CD300LD: variants seen among roughly 807,000 people sequenced by gnomAD.
CD300LD encodes the protein CD300 molecule like family member d.
CD300LD carries 18 observed loss-of-function variants against 20.3 expected under a neutral mutation model. That is an observed-to-expected ratio of 0.89 (90% CI 0.61 to 1.32). CD300LD has a LOEUF of 1.32. CD300LD is among the 40% of genes most tolerant of loss of function. The pLI is 0.00. For synonymous variants in CD300LD, 104 were observed against 90.1 expected (o/e 1.15, Z -0.87); for missense variants, 195 against 226.6 (o/e 0.86, Z 0.90).
chr17:74,587,018 G>A (rs2030179151), intron 2 of CD300LD, among the ~76,000 whole-genome samples: 1 of 152,084 alleles, frequency 6.6e-6, no homozygotes, highest in South Asian at 2.1e-4. Context: ...GCATGGTGGT[G>A]CATGCCTGTA....
chr17:74,584,284 A>C (rs1194342214), intron 2 of CD300LD, among the ~76,000 whole-genome samples: 2 of 152,214 alleles, frequency 1.3e-5, no homozygotes, highest in Non-Finnish European at 2.9e-5. Context: ...CATCATGTGC[A>C]TTCCCACCTG....
Position 74,588,694 on chromosome 17 carries a change from T to C in CD300LD, c.196A>G (p.Lys66Glu), listed in dbSNP as rs751143167. The C allele has an allele frequency of 1.2e-6, 2 of 1,614,226 alleles. No individual in the cohort carries two copies. Among genetic ancestry groups the C allele is most frequent in the Non-Finnish European group, 1.7e-6 (2 of 1,180,046 alleles). ...ADWNYCNILVKTNGSEQEVKK... is the reference protein window; with the variant it reads ...ADWNYCNILVETNGSEQEVKK... ...ACCTCCTGCTCTGATCCATTTGTTTTAACAAGGATGTTACAGTAATTCCAA... is the reference window on the plus strand; with the variant it reads ...ACCTCCTGCTCTGATCCATTTGTTTCAACAAGGATGTTACAGTAATTCCAA... Residue 66 changes from lysine to glutamate, a missense_variant, in exon 2 of 4, where the codon AAA becomes GAA. Lys to Glu is a moderately conservative substitution (Grantham distance 56). Transcript: ENST00000375352.
At chr17:74,589,649 C>T (rs1204920653) in intron 1 of CD300LD, among the ~76,000 whole-genome samples, 4 of 152,216 alleles carry the variant, frequency 2.6e-5, no homozygotes, top group Non-Finnish European at 4.4e-5. Flanking sequence ...TAATCTTTCA[C>T]TTGAAAACAA....
chr17:74,586,152 T>A (rs977450533), intron 2 of CD300LD, among the ~76,000 whole-genome samples: 1 of 152,190 alleles, frequency 6.6e-6, no homozygotes, highest in Non-Finnish European at 1.5e-5. Flanking sequence ...AAATGCAGAT[T>A]GTAAATGTGC....
At chr17:74,587,279 A>G (rs192971316) in intron 2 of CD300LD, among the ~76,000 whole-genome samples, 27 of 152,330 alleles carry the variant, frequency 1.8e-4, no homozygotes, top group Admixed American at 1.7e-3. Flanking sequence ...TATTCCAGTT[A>G]TCTATTTCTT....
rs1189977087 is a variant in CD300LD, at chr17:74,588,690, G to C, written c.200C>G (p.Thr67Arg). The C allele has an allele frequency of 6.8e-6, 11 of 1,614,052 alleles. No homozygotes were observed. The highest frequency in any genetic ancestry group is 8.5e-6 in the Non-Finnish European group (10 of 1,180,044). ...CTTTACCTCCTGCTCTGATCCATTT[G>C]TTTTAACAAGGATGTTACAGTAATT... ...DWNYCNILVK[T>R]NGSEQEVKKN... Residue 67 changes from threonine (T) to arginine (R), a missense_variant, in exon 2 of 4, where the codon ACA (threonine) becomes AGA (arginine). By Grantham distance (71) the Thr-to-Arg change is moderately conservative. Coordinates refer to ENST00000375352, the MANE Select transcript of CD300LD (RefSeq NM_001115152.2).
chr17:74,578,854 T>C (rs2029972350), downstream of CD300LD, among the ~76,000 whole-genome samples: 1 of 152,170 alleles, frequency 6.6e-6, no homozygotes, highest in Admixed American at 6.5e-5. Flanking sequence ...AGTCCAAGAC[T>C]GAGCACCACC....
intron 2 of CD300LD, among the ~76,000 whole-genome samples, chr17:74,586,066 A>G (rs942007357): frequency 6.6e-6 from 1 of 152,326 alleles, no homozygotes; most frequent in African/African-American, 2.4e-5. Context: ...GCAAGATTAC[A>G]AGAGGCGGTG....
At chr17:74,583,858 T>C (rs1021021340) in intron 2 of CD300LD, among the ~76,000 whole-genome samples, 2 of 150,784 alleles carry the variant, frequency 1.3e-5, no homozygotes, top group African/African-American at 4.9e-5. Flanking sequence ...GTTCAAGCAA[T>C]TCTCTGCCTC....
intron 1 of CD300LD, 147 bp from the exon 2 acceptor site, chr17:74,588,996 A>C (rs535160969): frequency 1.7e-6 from 1 of 603,320 alleles, no homozygotes; most frequent in Admixed American, 3.0e-5. Context: ...TTGTCCTTCA[A>C]AATTCCACTG....
rs762229243 is a variant in CD300LD at position 74,588,676 on chromosome 17, G to T, written c.214C>A (p.Gln72Lys). 5.0e-6 allele frequency: 8 copies of T among 1,614,126 alleles called. No individual in the cohort carries two copies. The South Asian group carries it at 8.8e-5, about 18-fold the overall frequency. Residue 72 changes from glutamine to lysine, a missense_variant, in exon 2 of 4, where the codon CAG (glutamine) becomes AAG (lysine). Gln to Lys is a moderately conservative substitution (Grantham distance 53, BLOSUM62 1). Transcript: ENST00000375352. ...NILVKTNGSE[Q>K]EVKKNRVSIR... Reference sequence around the variant, plus strand: ...GAAACTCGATTCTTCTTTACCTCCTGCTCTGATCCATTTGTTTTAACAAGG... The same window carrying T: ...GAAACTCGATTCTTCTTTACCTCCTTCTCTGATCCATTTGTTTTAACAAGG...
At chr17:74,583,691 T>C (rs1266776468) in intron 2 of CD300LD, among the ~76,000 whole-genome samples, 1 of 152,036 alleles carries the variant, frequency 6.6e-6, no homozygotes, top group East Asian at 1.9e-4. Context: ...TTATCATTGG[T>C]ATATCAGTAG....
intron 2 of CD300LD, among the ~76,000 whole-genome samples, chr17:74,584,495 G>A (rs1292896982): frequency 6.6e-6 from 1 of 152,254 alleles, no homozygotes; most frequent in South Asian, 2.1e-4. Flanking sequence ...CTGCCCGAAG[G>A]GGTGCTGAGG....
chr17:74,586,791 A>G (rs576399623), intron 2 of CD300LD, among the ~76,000 whole-genome samples: 2 of 152,288 alleles, frequency 1.3e-5, no homozygotes, highest in South Asian at 2.1e-4. Context: ...ACAGAGCATT[A>G]CCTTAGTCCC....
At chr17:74,588,189 G>A (rs1271723922) in intron 2 of CD300LD, among the ~76,000 whole-genome samples, 1 of 152,098 alleles carries the variant, frequency 6.6e-6, no homozygotes, top group African/African-American at 2.4e-5. Flanking sequence ...AGGTCTGTCT[G>A]CCTTTTCTTA....
chr17:74,583,535 G>T (rs1163799950), intron 2 of CD300LD, among the ~76,000 whole-genome samples: 1 of 152,114 alleles, frequency 6.6e-6, no homozygotes, highest in African/African-American at 2.4e-5. Flanking sequence ...CCCAGTCTGT[G>T]GTATTTTGTT....
chr17:74,588,881 C>G (rs369529940), intron 1 of CD300LD, 32 bp from the exon 2 acceptor site: 113 of 1,536,108 alleles, frequency 7.4e-5, no homozygotes, highest in Non-Finnish European at 9.4e-5. Flanking sequence ...GTCGTCACCT[C>G]CCACCCCAAG....
intron 2 of CD300LD, among the ~76,000 whole-genome samples, chr17:74,583,114 AAC>A (rs1479535291): frequency 6.6e-6 from 1 of 152,152 alleles, no homozygotes; most frequent in Non-Finnish European, 1.5e-5. Context: ...CAGGACAGTC[AAC>A]ACATTCATAA....
At chr17:74,583,754 T>C (rs1451436025) in intron 2 of CD300LD, among the ~76,000 whole-genome samples, 1 of 144,454 alleles carries the variant, frequency 6.9e-6, no homozygotes. Flanking sequence ...TTTCACTTTT[T>C]TTTTTTTTTT....
Sources: allele counts gnomAD v4.1 joint callset (sites outside exome capture counted in the v4.1 genomes callset), GRCh38; gene constraint gnomAD v4.1.1; transcripts MANE v1.5; gene names NCBI Gene and HGNC (gene_info 2026-07-23, HGNC 2026-07-21).